Variants in CAMKMT observed in about 807,000 individuals in gnomAD.
CAMKMT encodes CaM KMT.
In CAMKMT, 53 loss-of-function variants were observed where a neutral mutation model predicts 48.0. The observed-to-expected ratio is 1.10, with a 90% CI of 0.89 to 1.39. CAMKMT has a LOEUF of 1.39. Among genes scored for constraint, CAMKMT ranks in the 40% most tolerant of loss-of-function variants. CAMKMT has a pLI of 0.00. For synonymous variants in CAMKMT, 165 were observed against 152.3 expected (o/e 1.08, Z -0.61); for missense variants, 428 against 402.7 (o/e 1.06, Z -0.54).
intron 3 of CAMKMT, among the ~76,000 whole-genome samples, chr2:44,422,533 G>T (rs1684001475): frequency 6.6e-6 from 1 of 152,144 alleles, no homozygotes; most frequent in Non-Finnish European, 1.5e-5. Context: ...GCTCCTCTCA[G>T]ACACACATCA....
intron 3 of CAMKMT, among the ~76,000 whole-genome samples, chr2:44,680,926 G>T (rs557734849): frequency 5.3e-5 from 8 of 152,222 alleles, no homozygotes; most frequent in South Asian, 2.1e-4. Flanking sequence ...GGTAGGAAAT[G>T]ATAACTCGAC....
At chr2:44,384,811 G>T (rs1680619502) in intron 2 of CAMKMT, among the ~76,000 whole-genome samples, 1 of 151,860 alleles carries the variant, frequency 6.6e-6, no homozygotes, top group Admixed American at 6.6e-5. Flanking sequence ...ATTTATTTCT[G>T]GTTTCTCTAT....
chr2:44,509,554 TC>T (rs1241051988), intron 3 of CAMKMT, among the ~76,000 whole-genome samples: 1 of 152,116 alleles, frequency 6.6e-6, no homozygotes, highest in Non-Finnish European at 1.5e-5. Context: ...CAAGCAATCT[TC>T]CCACCTCGGC....
intron 3 of CAMKMT, among the ~76,000 whole-genome samples, chr2:44,602,510 G>A (rs568156518): frequency 8.6e-4 from 131 of 152,126 alleles, no homozygotes; most frequent in Non-Finnish European, 1.7e-3. Flanking sequence ...CTTGCTATTA[G>A]TCTGTTCTCA....
chr2:44,539,259 T>A (rs1256599861), intron 3 of CAMKMT, among the ~76,000 whole-genome samples: 1 of 146,820 alleles, frequency 6.8e-6, no homozygotes, highest in African/African-American at 2.5e-5. Flanking sequence ...GAGCCAAGAT[T>A]GTGCCACTGT....
At chr2:44,698,282 A>G (rs1677069498) in intron 3 of CAMKMT, among the ~76,000 whole-genome samples, 3 of 152,198 alleles carry the variant, frequency 2.0e-5, no homozygotes, top group Non-Finnish European at 4.4e-5. Flanking sequence ...CTGGGCAGTT[A>G]CCATGCCACA....
At chr2:44,609,559 C>T (rs1270101446) in intron 3 of CAMKMT, among the ~76,000 whole-genome samples, 1 of 152,138 alleles carries the variant, frequency 6.6e-6, no homozygotes, top group Admixed American at 6.5e-5. Context: ...ATATAAAGGC[C>T]ATTTTAATCC....
intron 2 of CAMKMT, among the ~76,000 whole-genome samples, chr2:44,389,131 G>A (rs1009105775): frequency 6.6e-6 from 1 of 152,104 alleles, no homozygotes; most frequent in Non-Finnish European, 1.5e-5. Context: ...ATCATGTAGG[G>A]GCAGGGCTAG....
intron 3 of CAMKMT, among the ~76,000 whole-genome samples, chr2:44,697,950 G>A (rs1399489482): frequency 6.6e-6 from 1 of 152,128 alleles, no homozygotes; most frequent in Admixed American, 6.5e-5. Context: ...GAAATACTGG[G>A]GAAAGGGGCT....
At chr2:44,407,446 G>A (rs1682862697) in intron 3 of CAMKMT, among the ~76,000 whole-genome samples, 1 of 152,132 alleles carries the variant, frequency 6.6e-6, no homozygotes, top group Non-Finnish European at 1.5e-5. Context: ...TTGTATTAGT[G>A]CAGGATCCTT....
intron 3 of CAMKMT, among the ~76,000 whole-genome samples, chr2:44,461,242 T>C (rs898211197): frequency 3.7e-4 from 56 of 152,272 alleles, no homozygotes; most frequent in African/African-American, 1.3e-3. Context: ...GACTGACATC[T>C]CTGTGAAAAC....
intron 3 of CAMKMT, among the ~76,000 whole-genome samples, chr2:44,429,521 T>G (rs1684507411): frequency 6.6e-6 from 1 of 152,016 alleles, no homozygotes. Context: ...AAGGTTTTTG[T>G]TGTTGTTGTT....
At chr2:44,640,825 T>A (rs1484095488) in intron 3 of CAMKMT, among the ~76,000 whole-genome samples, 2 of 152,228 alleles carry the variant, frequency 1.3e-5, no homozygotes, top group Non-Finnish European at 2.9e-5. Context: ...CAAGCTTCTT[T>A]AATATCTCAA....
At chr2:44,475,145 GTATT>G (rs775271835) in intron 3 of CAMKMT, among the ~76,000 whole-genome samples, 9 of 152,038 alleles carry the variant, frequency 5.9e-5, no homozygotes, top group Non-Finnish European at 1.0e-4. Flanking sequence ...ATCCTCTTGA[GTATT>G]TAATAAATTT....
chr2:44,695,301 A>T (rs1676877895), intron 3 of CAMKMT, among the ~76,000 whole-genome samples: 1 of 152,190 alleles, frequency 6.6e-6, no homozygotes, highest in Non-Finnish European at 1.5e-5. Flanking sequence ...AATATTATTA[A>T]GGGAACATAA....
chr2:44,383,626 A>G (rs1238492118), intron 2 of CAMKMT, among the ~76,000 whole-genome samples: 1 of 151,464 alleles, frequency 6.6e-6, no homozygotes, highest in South Asian at 2.1e-4. Context: ...TATCCCTTGT[A>G]CCCCTCCCAC....
At chr2:44,710,508 A>T (rs752534560) in intron 6 of CAMKMT, among the ~76,000 whole-genome samples, 3 of 152,132 alleles carry the variant, frequency 2.0e-5, no homozygotes, top group Non-Finnish European at 4.4e-5. Context: ...TTCCCTACAG[A>T]TGCCATTTTA....
rs143226002 is a variant in CAMKMT, at chr2:44,418,930, T to C, written c.376+28625T>C. 6.4e-3 allele frequency among the ~76,000 whole-genome samples: 974 copies of C among 152,324 alleles called. 7 individuals are homozygous for C. The highest frequency in any genetic ancestry group is 0.022 in the African/African-American group (895 of 41,578). On this transcript the variant is annotated intron_variant, in intron 3 of 10. Transcript: ENST00000378494. Reference sequence around the variant, plus strand: ...CTTAATTTCTCTTAGTAAAGTTTTGTATTTTTCATTTTACAGGTCTTGCCT... The same window carrying C: ...CTTAATTTCTCTTAGTAAAGTTTTGCATTTTTCATTTTACAGGTCTTGCCT...
At chr2:44,384,567 T>C (rs1488830638) in intron 2 of CAMKMT, among the ~76,000 whole-genome samples, 1 of 147,906 alleles carries the variant, frequency 6.8e-6, no homozygotes, top group Non-Finnish European at 1.5e-5. Flanking sequence ...CCTAAGACAA[T>C]GTCTAGAAGA....
Sources: gnomAD v4.1 joint callset for allele counts (sites outside exome capture counted in the v4.1 genomes callset) on GRCh38, gnomAD v4.1.1 for gene constraint, MANE v1.5 for transcripts, NCBI Gene and HGNC (gene_info 2026-07-23, HGNC 2026-07-21) for gene names.